Variants in SUGCT observed in about 807,000 individuals in gnomAD.
SUGCT encodes succinyl-CoA:glutarate-CoA transferase.
Under a neutral mutation model 55.0 loss-of-function variants are expected in SUGCT, and 41 were observed. The observed-to-expected ratio is 0.74, with a 90% CI of 0.58 to 0.97. SUGCT has a LOEUF of 0.97. SUGCT is among the 50% of genes least tolerant of loss of function. The pLI, the probability that SUGCT is intolerant of heterozygous loss-of-function variation, is 0.00. For missense variants in SUGCT, 568 were observed against 547.8 expected (o/e 1.04, Z -0.37); for synonymous variants, 187 against 200.4 (o/e 0.93, Z 0.56).
intron 9 of SUGCT, among the ~76,000 whole-genome samples, chr7:40,444,445 T>C (rs1254034464): frequency 2.6e-5 from 4 of 152,280 alleles, no homozygotes; most frequent in Admixed American, 2.0e-4. Flanking sequence ...TCACATCCCT[T>C]GTAAGTTGGA....
chr7:41,037,437 A>G, the SUGCT span, among the ~76,000 whole-genome samples: 20 of 152,158 alleles, frequency 1.3e-4, no homozygotes, highest in African/African-American at 4.6e-4. Context: ...TTAAAAAAAA[A>G]AAAGATATAT....
chr7:40,484,899 G>A (rs1171331825), intron 11 of SUGCT, among the ~76,000 whole-genome samples: 2 of 151,958 alleles, frequency 1.3e-5, no homozygotes, highest in Non-Finnish European at 1.5e-5. Context: ...TAACACATGA[G>A]CATTGGACCC....
At chr7:40,490,219 CATA>C (rs1297265388) in intron 11 of SUGCT, among the ~76,000 whole-genome samples, 1 of 152,192 alleles carries the variant, frequency 6.6e-6, no homozygotes, top group Non-Finnish European at 1.5e-5. Flanking sequence ...TTTCCTGCAG[CATA>C]ATGTTTTTGG....
intron 12 of SUGCT, among the ~76,000 whole-genome samples, chr7:40,543,576 C>T (rs553363800): frequency 9.2e-5 from 14 of 152,302 alleles, no homozygotes; most frequent in African/African-American, 3.1e-4. Context: ...TTATGACTTT[C>T]AGATGGAAAC....
intron 9 of SUGCT, among the ~76,000 whole-genome samples, chr7:40,320,451 C>G (rs2151119485): frequency 6.6e-6 from 1 of 152,190 alleles, no homozygotes; most frequent in South Asian, 2.1e-4. Flanking sequence ...TACTTAAAGA[C>G]AGTAGGCTTT....
intron 9 of SUGCT, among the ~76,000 whole-genome samples, chr7:40,350,374 C>A (rs1324685393): frequency 2.0e-5 from 3 of 150,906 alleles, no homozygotes; most frequent in Admixed American, 2.0e-4. Flanking sequence ...AGTGCGGTGG[C>A]ACGATCTCAG....
At chr7:40,736,241 TATATA>T (rs1208325629) in intron 12 of SUGCT, among the ~76,000 whole-genome samples, 14 of 69,550 alleles carry the variant, frequency 2.0e-4, no homozygotes, top group African/African-American at 3.4e-4. Context: ...CAATATATAA[TATATA>T]ATATATTATA....
At chr7:40,150,755 C>G (rs1490150183) in intron 1 of SUGCT, among the ~76,000 whole-genome samples, 3 of 152,194 alleles carry the variant, frequency 2.0e-5, no homozygotes, top group Non-Finnish European at 1.5e-5. Flanking sequence ...AAACTCCGGT[C>G]TTCCGCTCAG....
intron 11 of SUGCT, among the ~76,000 whole-genome samples, chr7:40,468,145 C>T (rs1052395755): frequency 6.6e-6 from 1 of 151,858 alleles, no homozygotes. Flanking sequence ...TTGCGTGTTC[C>T]TTAATTGCTA....
intron 9 of SUGCT, among the ~76,000 whole-genome samples, chr7:40,351,143 C>G (rs963718662): frequency 4.6e-5 from 7 of 151,852 alleles, no homozygotes; most frequent in African/African-American, 1.7e-4. Context: ...CTGTGTAAGC[C>G]TTCTTAAGAA....
intron 9 of SUGCT, among the ~76,000 whole-genome samples, chr7:40,427,296 T>C (rs560876268): frequency 1.3e-5 from 2 of 152,308 alleles, no homozygotes; most frequent in African/African-American, 4.8e-5. Context: ...CACAAAGTTC[T>C]ATAAGATGGT....
chr7:40,740,256 T>C (rs1332942881), intron 12 of SUGCT, among the ~76,000 whole-genome samples: 1 of 152,114 alleles, frequency 6.6e-6, no homozygotes, highest in African/African-American at 2.4e-5. Flanking sequence ...ATTGGTCTTG[T>C]ATCCTAAGAC....
At chr7:40,409,991 G>A (rs1786584122) in intron 9 of SUGCT, among the ~76,000 whole-genome samples, 1 of 152,062 alleles carries the variant, frequency 6.6e-6, no homozygotes, top group East Asian at 1.9e-4. Context: ...CTGTCTTAGT[G>A]TCTGTGTCTA....
At chr7:40,527,174 C>T (rs537309786) in intron 12 of SUGCT, among the ~76,000 whole-genome samples, 1 of 152,216 alleles carries the variant, frequency 6.6e-6, no homozygotes, top group Admixed American at 6.5e-5. Context: ...TTCCATGATG[C>T]CAAAAAGGTT....
the SUGCT span, among the ~76,000 whole-genome samples, chr7:40,870,108 T>C: frequency 6.6e-6 from 1 of 152,162 alleles, no homozygotes; most frequent in Non-Finnish European, 1.5e-5. Context: ...CTGTAACAAA[T>C]TACCACACTC....
chr7:40,404,627 G>A (rs965351997), intron 9 of SUGCT, among the ~76,000 whole-genome samples: 1 of 152,064 alleles, frequency 6.6e-6, no homozygotes, highest in African/African-American at 2.4e-5. Context: ...AGTAGAGACA[G>A]GGTTTTACCA....
intron 11 of SUGCT, among the ~76,000 whole-genome samples, chr7:40,491,807 A>G (rs972378512): frequency 6.6e-6 from 1 of 152,080 alleles, no homozygotes; most frequent in African/African-American, 2.4e-5. Context: ...TCTGGCAAAC[A>G]TGGTGTAACC....
chr7:40,361,175 G>T (rs1798134298), intron 9 of SUGCT, among the ~76,000 whole-genome samples: 1 of 152,048 alleles, frequency 6.6e-6, no homozygotes, highest in South Asian at 2.1e-4. Context: ...CTAGTGCTAT[G>T]GGTGCTTCAA....
chr7:40,860,067 T>G (rs1463236495), intron 13 of SUGCT, among the ~76,000 whole-genome samples: 5 of 152,204 alleles, frequency 3.3e-5, no homozygotes, highest in African/African-American at 1.2e-4. Flanking sequence ...ACAAATTAGC[T>G]TCATCCATGC....
Sources: gnomAD v4.1 joint callset for allele counts (sites outside exome capture counted in the v4.1 genomes callset) on GRCh38, gnomAD v4.1.1 for gene constraint, MANE v1.5 for transcripts, NCBI Gene and HGNC (gene_info 2026-07-23, HGNC 2026-07-21) for gene names.